Variants in PTPRQ observed in about 807,000 individuals in gnomAD.
PTPRQ encodes the protein protein tyrosine phosphatase receptor type Q, also known as phosphatidylinositol phosphatase PTPRQ.
Under a neutral mutation model 246.0 loss-of-function variants are expected in PTPRQ, and 199 were observed. That is an observed-to-expected ratio of 0.81 (90% CI 0.72 to 0.91). PTPRQ has a LOEUF of 0.91. Ranked by LOEUF, PTPRQ falls within the 40% of genes least tolerant of loss-of-function variation. The pLI, the probability that PTPRQ is intolerant of heterozygous loss-of-function variation, is 0.00. For synonymous variants in PTPRQ, 869 were observed against 853.2 expected, an observed-to-expected ratio of 1.02 and a Z score of -0.32; for missense variants, 2,624 against 2,528.4, an observed-to-expected ratio of 1.04 and a Z score of -0.81.
chr12:80,462,736 T>C (rs1001161599), intron 6 of PTPRQ: 4 of 155,058 alleles, frequency 2.6e-5, no homozygotes, highest in Non-Finnish European at 5.5e-5. Context: ...CAGCCACCGC[T>C]GCTGGTACCC....
At chr12:80,529,128 G>C (rs1373582776) in intron 17 of PTPRQ, among the ~76,000 whole-genome samples, 1 of 152,164 alleles carries the variant, frequency 6.6e-6, no homozygotes, top group Non-Finnish European at 1.5e-5. Flanking sequence ...ACTGATGCTA[G>C]CAAGTTGTAT....
intron 38 of PTPRQ, among the ~76,000 whole-genome samples, chr12:80,657,596 A>G (rs918976272): frequency 6.6e-6 from 1 of 151,858 alleles, no homozygotes; most frequent in Admixed American, 6.6e-5. Flanking sequence ...AGGTTAAATA[A>G]CTACATTATT....
At chr12:80,628,795 G>T (rs1217031981) in intron 33 of PTPRQ, among the ~76,000 whole-genome samples, 1 of 152,100 alleles carries the variant, frequency 6.6e-6, no homozygotes, top group Non-Finnish European at 1.5e-5. Context: ...GTTAAAATAA[G>T]ATAAAGTTAT....
At chr12:80,484,392 T>G in intron 8 of PTPRQ, 41 bp from the exon 9 acceptor site, 2 of 1,396,344 alleles carry the variant, frequency 1.4e-6, no homozygotes, top group Non-Finnish European at 1.9e-6. Flanking sequence ...AAAATATTTT[T>G]AATTTCCCCC....
chr12:80,639,310 C>G (rs1899771752), intron 35 of PTPRQ, among the ~76,000 whole-genome samples: 1 of 152,282 alleles, frequency 6.6e-6, no homozygotes, highest in Admixed American at 6.5e-5. Flanking sequence ...CTTATGCCGA[C>G]TAAATCAGAA....
At chr12:80,458,633 A>T (rs1893051179) in intron 4 of PTPRQ, among the ~76,000 whole-genome samples, 1 of 151,370 alleles carries the variant, frequency 6.6e-6, no homozygotes, top group Non-Finnish European at 1.5e-5. Flanking sequence ...TTGGTGTTTT[A>T]CTCTATCAGT....
intron 25 of PTPRQ, 44 bp downstream of exon 25, chr12:80,549,778 T>G: frequency 6.7e-7 from 1 of 1,494,002 alleles, no homozygotes; most frequent in Non-Finnish European, 8.9e-7. Context: ...CCTTTAACTA[T>G]TTGGGGATTG....
At chr12:80,477,946 C>T (rs1314055566) in intron 8 of PTPRQ, among the ~76,000 whole-genome samples, 1 of 152,234 alleles carries the variant, frequency 6.6e-6, no homozygotes, top group Non-Finnish European at 1.5e-5. Flanking sequence ...GGCAGCGAAG[C>T]TGGGTGAGGG....
chr12:80,468,444 T>C (rs1216000624), intron 6 of PTPRQ, among the ~76,000 whole-genome samples: 4 of 152,168 alleles, frequency 2.6e-5, no homozygotes, highest in African/African-American at 9.7e-5. Flanking sequence ...ACAATGAATA[T>C]TAGAATGAAA....
chr12:80,669,103 A>C lies in PTPRQ; in HGVS notation c.6289A>C (p.Thr2097Pro). The C allele has an allele frequency of 1.3e-6, 2 of 1,550,528 alleles. No individual in the cohort carries two copies. The highest frequency in any genetic ancestry group is 1.4e-5 in the African/African-American group (1 of 73,048). Reference sequence around the variant, plus strand: ...AATGGTGTGGGAAACCAGAGCAAAAACATTAGTAATGCTAACACAGTGTTT... The same window carrying C: ...AATGGTGTGGGAAACCAGAGCAAAACCATTAGTAATGCTAACACAGTGTTT... The part of the protein sequence containing the change: ...WRMVWETRAK[T>P]LVMLTQCFEK... The change falls in exon 40 of 45, where the codon ACA (threonine) becomes CCA (proline). Residue 2097 changes from threonine to proline, a missense_variant. Physicochemically the swap from Thr to Pro is conservative, Grantham distance 38. Coordinates refer to ENST00000644991, the MANE Select transcript of PTPRQ (RefSeq NM_001145026.2).
intron 30 of PTPRQ, among the ~76,000 whole-genome samples, chr12:80,617,583 G>A (rs1011500099): frequency 7.3e-5 from 11 of 151,344 alleles, no homozygotes; most frequent in African/African-American, 2.7e-4. Context: ...TTATGCTTTA[G>A]TAAAACTTCC....
intron 16 of PTPRQ, among the ~76,000 whole-genome samples, chr12:80,508,102 C>T (rs1055573556): frequency 6.6e-6 from 1 of 151,888 alleles, no homozygotes; most frequent in African/African-American, 2.4e-5. Flanking sequence ...ATCTGAATTA[C>T]CTGGGCTGTT....
intron 10 of PTPRQ, among the ~76,000 whole-genome samples, chr12:80,494,713 G>T (rs1213812765): frequency 6.6e-6 from 1 of 151,806 alleles, no homozygotes; most frequent in Admixed American, 6.6e-5. Flanking sequence ...GGTTATTATT[G>T]GGAGGTACTC....
At chr12:80,477,997 G>A (rs1389611062) in intron 8 of PTPRQ, among the ~76,000 whole-genome samples, 2 of 152,252 alleles carry the variant, frequency 1.3e-5, no homozygotes. Context: ...AAACAAAGCA[G>A]CCTGGAAGCT....
intron 38 of PTPRQ, 128 bp downstream of exon 38, chr12:80,652,962 G>C: frequency 9.4e-7 from 1 of 1,067,642 alleles, no homozygotes; most frequent in Non-Finnish European, 1.2e-6. Context: ...TTTATTGGCA[G>C]TGACTACCAA....
intron 4 of PTPRQ, among the ~76,000 whole-genome samples, chr12:80,458,649 A>C (rs1893051482): frequency 6.6e-6 from 1 of 151,944 alleles, no homozygotes; most frequent in Non-Finnish European, 1.5e-5. Context: ...TCAGTTTTAC[A>C]CACTTTACCA....
intron 3 of PTPRQ, among the ~76,000 whole-genome samples, chr12:80,446,939 G>A (rs1892572919): frequency 1.3e-5 from 2 of 152,028 alleles, no homozygotes; most frequent in South Asian, 4.1e-4. Context: ...ATAGCAGTGA[G>A]ATTGCTGGGT....
At chr12:80,453,196 A>T (rs146701991) in intron 3 of PTPRQ, among the ~76,000 whole-genome samples, 44,409 of 151,748 alleles carry the variant, frequency 0.29, 6,836 homozygotes, top group African/African-American at 0.36. Context: ...GTAGTTTTCG[A>T]GCCTTGGCTT....
At chr12:80,614,761 T>C (rs908194286) in intron 29 of PTPRQ, among the ~76,000 whole-genome samples, 7 of 149,852 alleles carry the variant, frequency 4.7e-5, no homozygotes, top group African/African-American at 1.5e-4. Context: ...TTATCAAATC[T>C]GAGCCCAGTT....
Sources: allele counts gnomAD v4.1 joint callset (sites outside exome capture counted in the v4.1 genomes callset), GRCh38; gene constraint gnomAD v4.1.1; transcripts MANE v1.5; gene names NCBI Gene and HGNC (gene_info 2026-07-23, HGNC 2026-07-21).